Variants in TCIRG1 observed in about 807,000 individuals in gnomAD.
The protein encoded by TCIRG1 is T cell immune regulator 1, ATPase H+ transporting V0 subunit a3.
A neutral mutation model predicts 95.5 loss-of-function variants in TCIRG1; 86 were observed. The ratio of observed to expected loss-of-function variants is 0.90; its 90% CI spans 0.76 to 1.08. The LOEUF (loss-of-function observed/expected upper bound fraction) is 1.08. Among genes scored for constraint, TCIRG1 ranks in the 50% least tolerant of loss-of-function variants. The pLI, the probability that TCIRG1 is intolerant of heterozygous loss-of-function variation, is 0.00. For synonymous variants in TCIRG1, 499 were observed against 501.3 expected, an observed-to-expected ratio of 1.00 and a Z score of 0.06; for missense variants, 1,069 against 1,140.2, an observed-to-expected ratio of 0.94 and a Z score of 0.90.
rs374771987 is a variant in TCIRG1, at chr11:68,047,643, C to G, written c.1306-4C>G. On this transcript the variant is annotated splice_polypyrimidine_tract_variant and splice_region_variant and intron_variant, in intron 11 of 19. Transcript: ENST00000265686. ...AGCCCCTCACCACACCACTGCCCCC[C>G]CAGATCTGGCAGACTTTCTTCAGGG... is the stretch of plus-strand genomic sequence containing the variant. 4.0e-5 allele frequency: 64 copies of G among 1,613,194 alleles called. No homozygotes were observed. The highest frequency in any genetic ancestry group is 3.3e-4 in the Middle Eastern group (2 of 6,084).
chr11:68,048,527 CAT>C (rs1281241147), intron 13 of TCIRG1, among the ~76,000 whole-genome samples: 4 of 152,358 alleles, frequency 2.6e-5, no homozygotes, highest in African/African-American at 7.2e-5. Flanking sequence ...CTCCTGACCT[CAT>C]GTGATCCACC....
At chr11:68,052,653 G>A (rs942422652), downstream of TCIRG1, among the ~76,000 whole-genome samples, 9 of 152,186 alleles carry the variant, frequency 5.9e-5, no homozygotes, top group Admixed American at 1.3e-4. Context: ...TAGAAGCAGG[G>A]AAACCAGAGT....
At chr11:68,041,154 T>G in intron 1 of TCIRG1, 114 bp from the exon 2 acceptor site, 1 of 777,816 alleles carries the variant, frequency 1.3e-6, no homozygotes, top group Non-Finnish European at 2.3e-6. Context: ...CTCTGTCAGA[T>G]GGGGGTGGTA....
intron 8 of TCIRG1, 42 bp from the exon 9 acceptor site, chr11:68,044,090 A>G (rs949088873): frequency 1.3e-6 from 2 of 1,524,358 alleles, no homozygotes; most frequent in African/African-American, 2.8e-5. Context: ...CAGCCACCCC[A>G]CCTGCCTGCC....
intron 10 of TCIRG1, among the ~76,000 whole-genome samples, chr11:68,046,734 A>G (rs921794370): frequency 1.5e-4 from 23 of 152,186 alleles, no homozygotes; most frequent in Admixed American, 1.5e-3. Flanking sequence ...TCGAGACTTC[A>G]GAGCTGAAGT....
At position 68,042,845 on chromosome 11, in the gene TCIRG1, C is replaced by T; in HGVS notation, c.399C>T (p.Arg133=). The part of the protein sequence containing the change: ...HQLQLHAAVL[R]QGHEPQLAAA... ...TGCAGCTCCACGCCGCCGTGCTACG[C>T]CAGGGCCATGAACCTCAGGTCAGCT... The change falls in exon 4 of 20, where the codon CGC becomes CGT. Residue 133 remains arginine (R), a synonymous_variant. Transcript: ENST00000265686. 1.3e-6 allele frequency: 2 copies of T among 1,549,322 alleles called. No homozygotes were observed. Among genetic ancestry groups the T allele is most frequent in the Non-Finnish European group, 1.7e-6 (2 of 1,146,376 alleles).
chr11:68,041,166 C>A, intron 1 of TCIRG1, 102 bp from the exon 2 acceptor site: 1 of 828,392 alleles, frequency 1.2e-6, no homozygotes, highest in Non-Finnish European at 2.1e-6. Flanking sequence ...GGGGTGGTAA[C>A]AGCAGCTTCC....
In TCIRG1 at chr11:68,042,983, C is replaced by A. The variant is rs760540347; in HGVS notation, c.455C>A (p.Thr152Lys). 3.5e-5 allele frequency: 54 copies of A among 1,554,670 alleles called. No individual in the cohort carries two copies. In the South Asian group the frequency reaches 6.3e-4, roughly 18 times the overall value. The change falls in exon 5 of 20, where the codon ACG becomes AAG. Residue 152 changes from threonine to lysine, a missense_variant. By Grantham distance (78) the Thr-to-Lys change is moderately conservative. Coordinates refer to ENST00000265686, the MANE Select transcript of TCIRG1 (RefSeq NM_006019.4). ...AAHTDGASER[T>K]PLLQAPGGPH... Reference sequence around the variant, plus strand: ...CACACAGATGGGGCCTCAGAGAGGACGCCCCTGCTCCAGGCCCCCGGGGGG... The same window carrying A: ...CACACAGATGGGGCCTCAGAGAGGAAGCCCCTGCTCCAGGCCCCCGGGGGG...
Position 68,044,972 on chromosome 11 carries a change from G to A in TCIRG1, c.1035G>A (p.Val345=). ...CTGGCACCCAGATGGAGGAGGGAGT[G>A]AGTGCCGTGGCTCACCGCATCCCCT... The part of the protein sequence containing the change: ...ALRDSSMEEG[V]SAVAHRIPCR... Residue 345 remains valine, a synonymous_variant, in exon 10 of 20, where the codon GTG becomes GTA. Transcript: ENST00000265686. 1 of 1,608,200 alleles carries A rather than the reference G, an allele frequency of 6.2e-7. No homozygotes were observed. Among genetic ancestry groups the A allele is most frequent in the South Asian group, 1.1e-5 (1 of 91,088 alleles).
chr11:68,044,477 C>A, intron 9 of TCIRG1, 133 bp downstream of exon 9: 1 of 737,528 alleles, frequency 1.4e-6, no homozygotes, highest in Non-Finnish European at 2.3e-6. Context: ...CCAGCCTCCT[C>A]CATGGCCCAC....
downstream of TCIRG1, chr11:68,052,135 C>T (rs1418009967): frequency 6.6e-6 from 1 of 152,274 alleles, no homozygotes; most frequent in Non-Finnish European, 1.5e-5. Context: ...GGCCCGAGCC[C>T]ATCCTTGTCC....
At position 68,047,565 on chromosome 11, in the gene TCIRG1, A is replaced by G; in HGVS notation, c.1298A>G (p.Gln433Arg). 6.2e-7 allele frequency: 1 copy of G among 1,613,816 alleles called. No homozygotes were observed. Among genetic ancestry groups the G allele is most frequent in the African/African-American group, 1.3e-5 (1 of 75,048 alleles). The part of the protein sequence containing the change: ...AENRPAVKAA[Q>R]NEIWQTFFRG... ...AACCGACCGGCTGTGAAGGCCGCGCAGAACGAGGTGAGGGGCGGGGCTGGG... is the reference window on the plus strand; with the variant it reads ...AACCGACCGGCTGTGAAGGCCGCGCGGAACGAGGTGAGGGGCGGGGCTGGG... Residue 433 changes from glutamine to arginine, a missense_variant, in exon 11 of 20, where the codon CAG becomes CGG. Transcript: ENST00000265686.
Position 68,049,066 on chromosome 11 carries a change from C to T in TCIRG1, c.1674-15C>T. On this transcript the variant is annotated splice_polypyrimidine_tract_variant and intron_variant, in intron 14 of 19. Transcript: ENST00000265686. ...GAGTGGGCCCCAGTGAGCACACCTC[C>T]CTCTTGCCCGCCAGGCACTTTGGCC... The T allele has an allele frequency of 1.9e-6, 3 of 1,613,166 alleles. No homozygotes were observed. The highest frequency in any genetic ancestry group is 2.5e-6 in the Non-Finnish European group (3 of 1,179,970).
rs1855576051 is a variant in TCIRG1 at position 68,047,718 on chromosome 11, CA to C, written c.1378del (p.Ile460SerfsTer68). 1 of 1,613,384 alleles carries C rather than the reference CA, an allele frequency of 6.2e-7. No homozygotes were observed. The highest frequency in any genetic ancestry group is 1.1e-5 in the South Asian group (1 of 91,092). On this transcript the variant is annotated frameshift_variant, in exon 12 of 20. Coordinates refer to ENST00000265686, the MANE Select transcript of TCIRG1 (RefSeq NM_006019.4). LOFTEE classifies it high-confidence loss of function. ...MGLFSIYTGFIYNECFSRATS... is the reference protein window; with the variant it reads ...MGLFSIYTGFXYNECFSRATS... ...GCCTGTTCTCCATCTACACCGGCTTCATCTACAACGAGTGCTTCAGTCGCGC... is the reference window on the plus strand; with the variant it reads ...GCCTGTTCTCCATCTACACCGGCTTCTCTACAACGAGTGCTTCAGTCGCGC...
At chr11:68,039,419 C>T (rs1855056135) in intron 1 of TCIRG1, among the ~76,000 whole-genome samples, 1 of 152,184 alleles carries the variant, frequency 6.6e-6, no homozygotes, top group Admixed American at 6.5e-5. Context: ...GCTGAGACCA[C>T]ACAACTAGGA....
intron 1 of TCIRG1, chr11:68,039,784 C>G (rs1806854426): frequency 6.6e-6 from 1 of 152,272 alleles, no homozygotes; most frequent in South Asian, 2.1e-4. Context: ...TCCCCCCGCC[C>G]ATTACAGGTT....
intron 2 of TCIRG1, 81 bp downstream of exon 2, chr11:68,041,469 C>A (rs990180507): frequency 4.2e-5 from 45 of 1,080,740 alleles, no homozygotes; most frequent in Middle Eastern, 2.9e-4. Context: ...GACTGCCCCC[C>A]CTCCGCCATA....
At chr11:68,051,631 T>C (rs1037305574), downstream of TCIRG1, among the ~76,000 whole-genome samples, 2 of 152,208 alleles carry the variant, frequency 1.3e-5, no homozygotes, top group African/African-American at 4.8e-5. Context: ...GCTCCTGGAC[T>C]GCTTTGCTCA....
At chr11:68,052,857 G>A (rs1177047612), downstream of TCIRG1, 1 of 152,208 alleles carries the variant, frequency 6.6e-6, no homozygotes, top group Non-Finnish European at 1.5e-5. Context: ...GACAGCTTGA[G>A]GTTGGGTTTT....
Sources: gnomAD v4.1 joint callset for allele counts (sites outside exome capture counted in the v4.1 genomes callset) on GRCh38, gnomAD v4.1.1 for gene constraint, MANE v1.5 for transcripts, NCBI Gene and HGNC (gene_info 2026-07-23, HGNC 2026-07-21) for gene names.